Variants in CEP170 observed in about 807,000 individuals in gnomAD.
The protein encoded by CEP170 is centrosomal protein of 170 kDa.
CEP170 carries 21 observed loss-of-function variants against 151.9 expected under a neutral mutation model. The ratio of observed to expected loss-of-function variants is 0.14; its 90% confidence interval spans 0.10 to 0.20. The LOEUF (loss-of-function observed/expected upper bound fraction) is 0.20, where lower values mean the gene tolerates loss of function less well. CEP170 is among the 10% of genes least tolerant of loss of function. The pLI, the probability that CEP170 is intolerant of heterozygous loss-of-function variation, is 1.00. For synonymous variants in CEP170, 356 were observed against 648.8 expected (o/e 0.55, Z 6.86); for missense variants, 964 against 1,892.9 (o/e 0.51, Z 9.11).
intron 10 of CEP170, 56 bp from the exon 11 acceptor site, chr1:243,172,902 T>C (rs2058961031): frequency 4.8e-6 from 7 of 1,469,304 alleles, no homozygotes; most frequent in Middle Eastern, 1.8e-4. Flanking sequence ...ACAAGATTAA[T>C]ATGTGAATAG....
chr1:243,240,586 C>CTGAAGACTTGAACTTA (rs2064732369), intron 1 of CEP170, among the ~76,000 whole-genome samples: 1 of 151,642 alleles, frequency 6.6e-6, no homozygotes, highest in Non-Finnish European at 1.5e-5. Flanking sequence ...GGCTTCATAC[C>CTGAAGACTTGAACTTA]TGAAGACTTG....
rs1417566537 is a variant in CEP170 at position 243,199,071 on chromosome 1, G to T, written c.620C>A (p.Ala207Asp). 3.3e-5 allele frequency: 53 copies of T among 1,610,266 alleles called. No individual in the cohort carries two copies. The highest frequency in any genetic ancestry group is 4.2e-5 in the Non-Finnish European group (50 of 1,178,116). Residue 207 changes from alanine (A) to aspartate (D), a missense_variant, in exon 7 of 20, where the codon GCT (alanine) becomes GAT (aspartate). Ala to Asp is a moderately radical substitution (Grantham distance 126, BLOSUM62 -2). Coordinates refer to ENST00000366542, the MANE Select transcript of CEP170 (RefSeq NM_014812.3). Reference protein sequence around the residue: ...NGKPEEKNHEAGTSGCGIDAK... With the variant: ...NGKPEEKNHEDGTSGCGIDAK... ...TGAGATTTTTTTACCTGATGTTCCA[G>T]CTTCATGGTTTTTTTCTTCAGGTTT... is the stretch of plus-strand genomic sequence containing the variant.
rs1259394335 is a variant in CEP170 at position 243,125,035 on chromosome 1, TAAAAC to T, written c.*1409_*1413del. On this transcript the variant is annotated 3_prime_UTR_variant, in exon 20 of 20. Coordinates refer to ENST00000366542, the MANE Select transcript of CEP170 (RefSeq NM_014812.3). The stretch of plus-strand genomic sequence containing the variant: ...AAGTGTATAGAGTTACTTTGTTTCT[TAAAAC>T]AAATATAGCACAGGATTATTGTGGA... 2 of 152,170 alleles carry T rather than the reference TAAAAC, an allele frequency of 1.3e-5. No homozygotes were observed. The highest frequency in any genetic ancestry group is 4.8e-5 in the African/African-American group (2 of 41,440). The allele number at this position is 152,170 out of a possible 1,614,324, so 9.4% of individuals were successfully genotyped here. A position where few individuals can be genotyped will look rare whatever the true frequency, so the allele number is the denominator to read the frequency against.
At chr1:243,184,915 G>A (rs1384049670) in intron 10 of CEP170, among the ~76,000 whole-genome samples, 1 of 152,104 alleles carries the variant, frequency 6.6e-6, no homozygotes, top group African/African-American at 2.4e-5. Context: ...TAATATTTAT[G>A]CTGCTAACCC....
chr1:243,205,508 A>C (rs1305081814), intron 4 of CEP170, among the ~76,000 whole-genome samples: 2 of 152,224 alleles, frequency 1.3e-5, no homozygotes, highest in Non-Finnish European at 2.9e-5. Flanking sequence ...AAACAGCCTG[A>C]GGACCAGATT....
At chr1:243,233,110 T>C (rs1175700695) in intron 1 of CEP170, among the ~76,000 whole-genome samples, 1 of 152,200 alleles carries the variant, frequency 6.6e-6, no homozygotes, top group African/African-American at 2.4e-5. Context: ...ATTCTTTATC[T>C]TTTTGTCACA....
Position 243,135,300 on chromosome 1 carries a change from G to A in CEP170, c.4319+843C>T, listed in dbSNP as rs147842193. On this transcript the variant is annotated intron_variant, in intron 17 of 19. Transcript: ENST00000366542. ...CGGCTCACTGGAAGCTCTGCCTCCC[G>A]GGTTCACGCCATTCTCCTGCCTCAG... 3.6e-3 allele frequency among the ~76,000 whole-genome samples: 553 copies of A among 152,104 alleles called. 24 individuals carry two copies. In the East Asian group the frequency reaches 0.092, roughly 25 times the overall value.
chr1:243,210,901 G>A (rs1240138038), intron 4 of CEP170, among the ~76,000 whole-genome samples: 3 of 152,008 alleles, frequency 2.0e-5, no homozygotes, highest in Non-Finnish European at 4.4e-5. Context: ...GGGATTACAG[G>A]TGTGAGCCAC....
At chr1:243,178,787 T>A (rs1426432548) in intron 10 of CEP170, among the ~76,000 whole-genome samples, 1 of 151,908 alleles carries the variant, frequency 6.6e-6, no homozygotes, top group Non-Finnish European at 1.5e-5. Context: ...GGCACAATCT[T>A]GGCTCACTGC....
At chr1:243,176,193 T>C (rs1558509114) in intron 10 of CEP170, among the ~76,000 whole-genome samples, 2 of 151,928 alleles carry the variant, frequency 1.3e-5, no homozygotes, top group Non-Finnish European at 2.9e-5. Flanking sequence ...TAGTACAAAA[T>C]CTAGGTCTTT....
chr1:243,187,090 G>A (rs2059985911), intron 8 of CEP170, among the ~76,000 whole-genome samples: 1 of 152,200 alleles, frequency 6.6e-6, no homozygotes, highest in Admixed American at 6.5e-5. Context: ...AAAGCATGCT[G>A]AGAGGTCTAT....
At chr1:243,242,982 A>G (rs572152356) in intron 1 of CEP170, among the ~76,000 whole-genome samples, 34 of 152,340 alleles carry the variant, frequency 2.2e-4, no homozygotes, top group Middle Eastern at 3.4e-3. Flanking sequence ...TTACAGGCAT[A>G]AGCCACTGCG....
At chr1:243,255,578 T>C (rs1409598079), upstream of CEP170, among the ~76,000 whole-genome samples, 2 of 152,230 alleles carry the variant, frequency 1.3e-5, no homozygotes, top group Non-Finnish European at 1.5e-5. Flanking sequence ...CTTTACAATC[T>C]AGGCTGTTTG....
intron 3 of CEP170, among the ~76,000 whole-genome samples, chr1:243,213,960 A>G (rs1216727063): frequency 6.6e-6 from 1 of 152,110 alleles, no homozygotes; most frequent in African/African-American, 2.4e-5. Context: ...ATCCTCCTGC[A>G]TTGGCCTCCC....
chr1:243,226,065 A>ATAT (rs2063228167), intron 1 of CEP170, among the ~76,000 whole-genome samples: 1 of 129,614 alleles, frequency 7.7e-6, no homozygotes, highest in Non-Finnish European at 1.7e-5. Context: ...CTAGATATAT[A>ATAT]TATCTATATC....
At chr1:243,233,050 C>T (rs1308620776) in intron 1 of CEP170, among the ~76,000 whole-genome samples, 1 of 152,284 alleles carries the variant, frequency 6.6e-6, no homozygotes, top group Admixed American at 6.5e-5. Flanking sequence ...GCAATTCAAT[C>T]TAGCCATTAA....
At chr1:243,168,827 T>G (rs1175980156) in intron 12 of CEP170, among the ~76,000 whole-genome samples, 1 of 151,882 alleles carries the variant, frequency 6.6e-6, no homozygotes, top group Non-Finnish European at 1.5e-5. Context: ...TATATTTCTG[T>G]TCACAGAAAT....
At chr1:243,192,086 A>T (rs2060341035) in intron 7 of CEP170, among the ~76,000 whole-genome samples, 1 of 152,218 alleles carries the variant, frequency 6.6e-6, no homozygotes, top group African/African-American at 2.4e-5. Context: ...GATATTGCTG[A>T]AGTGCGATCC....
At chr1:243,223,327 C>T (rs2062971310) in intron 2 of CEP170, among the ~76,000 whole-genome samples, 1 of 152,108 alleles carries the variant, frequency 6.6e-6, no homozygotes, top group Admixed American at 6.5e-5. Flanking sequence ...TGAGAAAAGG[C>T]AAATTCCAAA....
Sources: allele counts gnomAD v4.1 joint callset (sites outside exome capture counted in the v4.1 genomes callset), GRCh38; gene constraint gnomAD v4.1.1; transcripts MANE v1.5; gene names NCBI Gene and HGNC (gene_info 2026-07-23, HGNC 2026-07-21).